Variants in FANCA observed in about 807,000 individuals in gnomAD.
The protein encoded by FANCA is FA complementation group A.
A neutral mutation model predicts 194.3 loss-of-function variants in FANCA; 236 were observed. The observed-to-expected ratio is 1.21, with a 90% CI of 1.09 to 1.35. The LOEUF (loss-of-function observed/expected upper bound fraction) is 1.35, where lower values mean the gene tolerates loss of function less well. Ranked by LOEUF, FANCA falls within the 40% of genes most tolerant of loss-of-function variation. The pLI, the probability that FANCA is intolerant of heterozygous loss-of-function variation, is 0.00. For synonymous variants in FANCA, 1,014 were observed against 715.8 expected, an observed-to-expected ratio of 1.42 and a Z score of -6.65; for missense variants, 2,628 against 1,813.9, an observed-to-expected ratio of 1.45 and a Z score of -8.15.
intron 18 of FANCA, 77 bp from the exon 19 acceptor site, chr16:89,779,080 C>A: frequency 2.1e-6 from 3 of 1,406,304 alleles, no homozygotes; most frequent in Non-Finnish European, 3.0e-6. Context: ...ACCGGTGTTT[C>A]AGAGAGTGGA....
At position 89,748,692 on chromosome 16, in the gene FANCA, G is replaced by C. The variant is rs749550737; in HGVS notation, c.3315C>G (p.Cys1105Trp). 2.5e-6 allele frequency: 4 copies of C among 1,613,984 alleles called. No homozygotes were observed. In the East Asian group the frequency reaches 6.7e-5, roughly 27 times the overall value. ...AGTTGACCAAGTGGAAGAACTGCTC[G>C]CATCTGGCAGTGATGGGCTGTTCTG... The part of the protein sequence containing the change: ...FQAEQPITAR[C>W]EQFFHLVNSE... The change falls in exon 33 of 43, where the codon TGC (cysteine) becomes TGG (tryptophan). Residue 1105 changes from cysteine (C) to tryptophan (W), a missense_variant. Cys to Trp is a radical substitution (Grantham distance 215). Transcript: ENST00000389301.
Position 89,769,854 on chromosome 16 carries a change from G to T in FANCA, c.2487C>A (p.Ser829=). The stretch of plus-strand genomic sequence containing the variant: ...GAGCTCACTTCAGGCAGAAGAACAA[G>T]GAATCCCTCGTCCTACAGGTCAGGA... ...DSLLTCRTRD[S]LFFCLKFCTA... is the part of the protein sequence containing the mutation. Residue 829 remains serine (S), a synonymous_variant, in exon 26 of 43, where the codon TCC becomes TCA. Transcript: ENST00000389301. The T allele has an allele frequency of 6.2e-7, 1 of 1,614,120 alleles. No individual in the cohort carries two copies. The highest frequency in any genetic ancestry group is 8.5e-7 in the Non-Finnish European group (1 of 1,180,030).
At chr16:89,784,209 G>GA (rs1458591272) in intron 15 of FANCA, among the ~76,000 whole-genome samples, 1 of 151,330 alleles carries the variant, frequency 6.6e-6, no homozygotes, top group Non-Finnish European at 1.5e-5. Context: ...CTAAAAAAAA[G>GA]AAAAAAAGAA....
Position 89,752,211 on chromosome 16 carries a change from T to C in FANCA, c.2993A>G (p.Tyr998Cys). The C allele has an allele frequency of 6.2e-7, 1 of 1,613,732 alleles. No homozygotes were observed. The highest frequency in any genetic ancestry group is 8.5e-7 in the Non-Finnish European group (1 of 1,179,644). Reference protein sequence around the residue: ...LMDFHQSSRSYDHSENSDLVF... With the variant: ...LMDFHQSSRSCDHSENSDLVF... The stretch of plus-strand genomic sequence containing the variant: ...CAAATCAGAATTTTCTGAGTGGTCA[T>C]AACTCCTTGAGCTGAAATGAAAATA... Residue 998 changes from tyrosine (Y) to cysteine (C), a missense_variant, in exon 31 of 43, where the codon TAT (tyrosine) becomes TGT (cysteine). By Grantham distance (194) the Tyr-to-Cys change is radical. Coordinates refer to ENST00000389301, the MANE Select transcript of FANCA (RefSeq NM_000135.4).
chr16:89,742,981 TACAACCAC>T, intron 36 of FANCA, 43 bp from the exon 37 acceptor site: 1 of 1,597,914 alleles, frequency 6.3e-7, no homozygotes, highest in Non-Finnish European at 8.6e-7. Context: ...CTTACAACCA[TACAACCAC>T]GCCATAGAAA....
intron 30 of FANCA, among the ~76,000 whole-genome samples, chr16:89,752,835 A>T (rs17227001): frequency 1.3e-5 from 2 of 152,114 alleles, no homozygotes; most frequent in Non-Finnish European, 2.9e-5. Context: ...CAGCGGTAGC[A>T]AAAGGTGTCA....
chr16:89,752,374 C>G (rs895479589), intron 30 of FANCA, 152 bp from the exon 31 acceptor site: 58 of 729,838 alleles, frequency 7.9e-5, no homozygotes, highest in Non-Finnish European at 1.4e-4. Flanking sequence ...AAAACTGCCA[C>G]AAAATACTAC....
At chr16:89,805,442 C>G (rs1201376606) in intron 6 of FANCA, 50 bp from the exon 7 acceptor site, 5 of 1,442,068 alleles carry the variant, frequency 3.5e-6, no homozygotes, top group Non-Finnish European at 4.9e-6. Flanking sequence ...ATCCCATCAT[C>G]AGGGGATTGA....
rs2039775150 is a variant in FANCA, at chr16:89,783,052, G to A, written c.1521C>T (p.Leu507=). 6.2e-7 allele frequency: 1 copy of A among 1,613,926 alleles called. No homozygotes were observed. The highest frequency in any genetic ancestry group is 1.7e-5 in the Admixed American group (1 of 59,978). ...TCTTGGCCAATGAGATGTAGTCTGT[G>A]AGGAGGGAGCGGTACTTGCCGGGAA... ...PLVPGKYRSL[L]TDYISLAKTR... The change falls in exon 16 of 43, where the codon CTC becomes CTT. Residue 507 remains leucine, a synonymous_variant. Transcript: ENST00000389301.
intron 28 of FANCA, among the ~76,000 whole-genome samples, chr16:89,764,590 G>C (rs930066039): frequency 2.6e-5 from 4 of 152,202 alleles, no homozygotes; most frequent in African/African-American, 4.8e-5. Context: ...ACAGGTGTGA[G>C]CACCGTGCCC....
At chr16:89,794,720 G>A (rs904649380) in intron 11 of FANCA, among the ~76,000 whole-genome samples, 1 of 152,102 alleles carries the variant, frequency 6.6e-6, no homozygotes, top group Non-Finnish European at 1.5e-5. Context: ...CATCTACCCT[G>A]GGGATATGCT....
intron 29 of FANCA, among the ~76,000 whole-genome samples, chr16:89,760,082 T>C (rs1456801875): frequency 1.3e-5 from 2 of 152,218 alleles, no homozygotes; most frequent in East Asian, 1.9e-4. Context: ...ATCACTTAAG[T>C]AATTCAGAAA....
At chr16:89,798,685 G>A in intron 10 of FANCA, 2 of 1,285,776 alleles carry the variant, frequency 1.6e-6, no homozygotes, top group Non-Finnish European at 2.0e-6. Flanking sequence ...GAGCCATGGA[G>A]AGAAAAAGCT....
At chr16:89,765,829 G>A (rs2039107863) in intron 27 of FANCA, among the ~76,000 whole-genome samples, 2 of 152,136 alleles carry the variant, frequency 1.3e-5, no homozygotes, top group Admixed American at 6.5e-5. Flanking sequence ...TTGGCACCAG[G>A]GACAAAGTTC....
Position 89,792,662 on chromosome 16 carries a change from G to C in FANCA, c.1007-115C>G, listed in dbSNP as rs562569975. On this transcript the variant is annotated intron_variant, in intron 11 of 42. Transcript: ENST00000389301. ...TCTCTCCCCGTGTGCGGCGACGAGA[G>C]AGTGTAGAAAGAAAGATACAAGACA... The C allele has an allele frequency of 1.4e-4, 110 of 810,710 alleles. No individual in the cohort carries two copies. The South Asian group carries it at 1.5e-3, about 11-fold the overall frequency. The allele number at this position is 810,710 out of a possible 1,614,324, so 50.2% of individuals were successfully genotyped here. A position where few individuals can be genotyped will look rare whatever the true frequency, so the allele number is the denominator to read the frequency against.
chr16:89,796,080 T>C (rs1598159585), intron 10 of FANCA, 62 bp from the exon 11 acceptor site: 3 of 1,272,278 alleles, frequency 2.4e-6, no homozygotes, highest in Non-Finnish European at 3.4e-6. Flanking sequence ...CACCCACCAA[T>C]CCCAGCACAA....
chr16:89,758,806 G>T (rs1030916872), intron 29 of FANCA, 101 bp from the exon 30 acceptor site: 32 of 1,563,456 alleles, frequency 2.0e-5, no homozygotes, highest in Middle Eastern at 2.1e-4. Flanking sequence ...CACAGCACTA[G>T]TGAGAGCTGG....
chr16:89,793,485 G>A (rs575903485), intron 11 of FANCA, among the ~76,000 whole-genome samples: 5 of 152,286 alleles, frequency 3.3e-5, no homozygotes, highest in African/African-American at 1.2e-4. Flanking sequence ...ATATTCATAT[G>A]TAATCATATC....
intron 2 of FANCA, 43 bp from the exon 3 acceptor site, chr16:89,814,656 C>T (rs758516096): frequency 3.1e-5 from 46 of 1,487,600 alleles, no homozygotes; most frequent in Admixed American, 5.0e-5. Flanking sequence ...AAAATTCAAG[C>T]TCCAGGCCAG....
Sources: gnomAD v4.1 joint callset for allele counts (sites outside exome capture counted in the v4.1 genomes callset) on GRCh38, gnomAD v4.1.1 for gene constraint, MANE v1.5 for transcripts, NCBI Gene and HGNC (gene_info 2026-07-23, HGNC 2026-07-21) for gene names.